The following ARSB variants were observed in gnomAD, a reference collection of about 807,000 sequenced individuals.
The protein encoded by ARSB is arylsulfatase B, also known as N-acetylgalactosamine-4-sulfatase.
In ARSB, 41 loss-of-function variants were observed where a neutral mutation model predicts 50.9. The observed-to-expected ratio is 0.81, with a 90% CI of 0.63 to 1.04. The LOEUF is 1.04. Among genes scored for constraint, ARSB ranks in the 50% least tolerant of loss-of-function variants. The probability of loss-of-function intolerance (pLI) is 0.00; values close to 1 mark genes in which losing one functional copy is unlikely to be tolerated. For synonymous variants in ARSB, 269 were observed against 284.8 expected (o/e 0.94, Z 0.56); for missense variants, 672 against 693.3 (o/e 0.97, Z 0.35).
chr5:78,925,161 G>C (rs1049081681), intron 4 of ARSB, among the ~76,000 whole-genome samples: 1 of 152,062 alleles, frequency 6.6e-6, no homozygotes, highest in Non-Finnish European at 1.5e-5. Context: ...CCAGTTGATG[G>C]CTACACAGAC....
At chr5:78,954,480 T>C (rs140893066) in intron 4 of ARSB, among the ~76,000 whole-genome samples, 309 of 152,324 alleles carry the variant, frequency 2.0e-3, no homozygotes, top group African/African-American at 7.1e-3. Flanking sequence ...TTGTCTATAA[T>C]AACATATATA....
At chr5:78,872,687 G>T in intron 5 of ARSB, among the ~76,000 whole-genome samples, 1 of 132,022 alleles carries the variant, frequency 7.6e-6, no homozygotes, top group Non-Finnish European at 1.6e-5. Context: ...AGGGGGGAGG[G>T]ATAGCATTGG....
chr5:78,816,795 G>A (rs952891842), intron 6 of ARSB, among the ~76,000 whole-genome samples: 40 of 152,166 alleles, frequency 2.6e-4, no homozygotes, highest in South Asian at 2.1e-4. Flanking sequence ...TAGTCCTTGC[G>A]GAGACAACAG....
rs1753130873 is a variant in ARSB, at chr5:78,985,215, C to G, written c.34G>C (p.Gly12Arg). The G allele has an allele frequency of 3.0e-6, 4 of 1,355,298 alleles. No homozygotes were observed. The highest frequency in any genetic ancestry group is 3.8e-6 in the Non-Finnish European group (4 of 1,059,028). 84.0% of individuals were successfully genotyped at this position (1,355,298 alleles called of 1,614,324 possible). The part of the protein sequence containing the change: ...GPRGAASLPR[G>R]PGPRRLLLPV... The stretch of plus-strand genomic sequence containing the variant: ...AGGAGCAGCCGCCGAGGTCCGGGGC[C>G]TCGGGGCAAGCTCGCCGCGCCGCGC... The change falls in exon 1 of 8, where the codon GGC becomes CGC. Residue 12 changes from glycine (G) to arginine (R), a missense_variant. Transcript: ENST00000264914.
At chr5:78,808,559 C>T (rs985874507) in intron 6 of ARSB, among the ~76,000 whole-genome samples, 19 of 152,286 alleles carry the variant, frequency 1.2e-4, no homozygotes, top group Admixed American at 7.8e-4. Flanking sequence ...GTAGCTGGCA[C>T]AGGGTAGCTC....
intron 5 of ARSB, among the ~76,000 whole-genome samples, chr5:78,876,990 C>T (rs1747512034): frequency 6.6e-6 from 1 of 152,090 alleles, no homozygotes; most frequent in Non-Finnish European, 1.5e-5. Context: ...GAAACTATCC[C>T]CCGACCAACC....
At chr5:78,853,038 A>T (rs1745917405) in intron 5 of ARSB, among the ~76,000 whole-genome samples, 1 of 152,206 alleles carries the variant, frequency 6.6e-6, no homozygotes, top group African/African-American at 2.4e-5. Flanking sequence ...TGATAGTCTG[A>T]AGCCTTCTTT....
chr5:78,968,897 C>G, intron 2 of ARSB, 109 bp downstream of exon 2: 1 of 1,280,258 alleles, frequency 7.8e-7, no homozygotes, highest in Non-Finnish European at 1.1e-6. Flanking sequence ...CCGACTGATT[C>G]ACTCTGTGTT....
chr5:78,831,530 T>A (rs1044292101), intron 6 of ARSB, among the ~76,000 whole-genome samples: 1 of 152,012 alleles, frequency 6.6e-6, no homozygotes, highest in Non-Finnish European at 1.5e-5. Flanking sequence ...ATTATATAGG[T>A]GAGATGATCG....
intron 1 of ARSB, among the ~76,000 whole-genome samples, chr5:78,984,329 A>C (rs1341419975): frequency 1.3e-5 from 2 of 152,222 alleles, no homozygotes. Flanking sequence ...CCTAAAGGGA[A>C]GCTTTTAAAG....
At chr5:78,912,737 C>G (rs1484329444) in intron 4 of ARSB, among the ~76,000 whole-genome samples, 2 of 152,158 alleles carry the variant, frequency 1.3e-5, no homozygotes, top group Non-Finnish European at 2.9e-5. Context: ...AGAGGTCAGA[C>G]AGGAGCTTCT....
At chr5:78,853,849 A>T (rs1745993799) in intron 5 of ARSB, among the ~76,000 whole-genome samples, 1 of 152,268 alleles carries the variant, frequency 6.6e-6, no homozygotes, top group South Asian at 2.1e-4. Flanking sequence ...CTGTGGGCAT[A>T]GGACCCTCTG....
At chr5:78,869,404 T>C (rs1439181194) in intron 5 of ARSB, among the ~76,000 whole-genome samples, 54 of 136,338 alleles carry the variant, frequency 4.0e-4, no homozygotes, top group African/African-American at 1.4e-3. Context: ...ATTGACCACA[T>C]AGTTGGAAGT....
chr5:78,826,293 C>T (rs13188817), intron 6 of ARSB, among the ~76,000 whole-genome samples: 32,726 of 152,108 alleles, frequency 0.22, 3,776 homozygotes, highest in South Asian at 0.28. Context: ...GATCTGCTCG[C>T]CTCAGCCTCC....
At chr5:78,903,967 A>G (rs1376294307) in intron 4 of ARSB, among the ~76,000 whole-genome samples, 3 of 152,224 alleles carry the variant, frequency 2.0e-5, no homozygotes, top group African/African-American at 7.2e-5. Context: ...TATCACTGTG[A>G]TATAACTCCT....
At chr5:78,981,930 T>G (rs1310131044) in intron 1 of ARSB, among the ~76,000 whole-genome samples, 2 of 27,280 alleles carry the variant, frequency 7.3e-5, no homozygotes, top group African/African-American at 2.1e-4. Context: ...TTTTTTTTTT[T>G]TTTTGAGACG....
chr5:78,898,065 C>T (rs144540147), intron 4 of ARSB, among the ~76,000 whole-genome samples: 2,365 of 152,138 alleles, frequency 0.016, 34 homozygotes, highest in South Asian at 0.041. Context: ...GCCAGGAGTT[C>T]GAGACCAGCC....
chr5:78,857,843 A>C (rs1278458823), intron 5 of ARSB, among the ~76,000 whole-genome samples: 1 of 152,216 alleles, frequency 6.6e-6, no homozygotes, highest in Non-Finnish European at 1.5e-5. Context: ...TGCCTATAAC[A>C]ACCAAACTAG....
At chr5:78,809,201 G>A (rs1250949780) in intron 6 of ARSB, among the ~76,000 whole-genome samples, 5 of 152,160 alleles carry the variant, frequency 3.3e-5, no homozygotes, top group South Asian at 2.1e-4. Flanking sequence ...AGCGGGCACC[G>A]AGGGGGTTGC....
Sources: gnomAD v4.1 joint callset for allele counts (sites outside exome capture counted in the v4.1 genomes callset) on GRCh38, gnomAD v4.1.1 for gene constraint, MANE v1.5 for transcripts, NCBI Gene and HGNC (gene_info 2026-07-23, HGNC 2026-07-21) for gene names.